The following HDAC9 variants were observed in gnomAD, a reference collection of about 807,000 sequenced individuals.
HDAC9 encodes the protein MEF-2 interacting transcription repressor (MITR) protein.
A neutral mutation model predicts 139.4 loss-of-function variants in HDAC9; 41 were observed. The observed-to-expected ratio is 0.29, with a 90% confidence interval of 0.23 to 0.38. The LOEUF is 0.38. HDAC9 is among the 10% of genes least tolerant of loss of function. HDAC9 has a pLI of 1.00. For synonymous variants in HDAC9, 517 were observed against 476.2 expected (o/e 1.09, Z -1.12); for missense variants, 1,147 against 1,297.0 (o/e 0.88, Z 1.78).
At chr7:18,534,846 A>C (rs1344541031) in intron 2 of HDAC9, among the ~76,000 whole-genome samples, 2 of 152,192 alleles carry the variant, frequency 1.3e-5, no homozygotes, top group African/African-American at 4.8e-5. Context: ...AAGGGTAGTA[A>C]ATACAGAGAG....
At chr7:18,194,016 C>T (rs963994574) in intron 2 of HDAC9, among the ~76,000 whole-genome samples, 5 of 152,100 alleles carry the variant, frequency 3.3e-5, no homozygotes, top group African/African-American at 7.2e-5. Flanking sequence ...CCAAATGGCA[C>T]GATGAGCCTG....
chr7:18,684,854 C>T (rs1452255781), intron 12 of HDAC9, among the ~76,000 whole-genome samples: 1 of 151,974 alleles, frequency 6.6e-6, no homozygotes, highest in Non-Finnish European at 1.5e-5. Context: ...AACTCCCCTC[C>T]ACCTAAGTTA....
chr7:18,909,531 A>T (rs1042453415), intron 22 of HDAC9, among the ~76,000 whole-genome samples: 38 of 152,024 alleles, frequency 2.5e-4, no homozygotes, highest in Non-Finnish European at 4.4e-5. Flanking sequence ...TGGGTGTTCC[A>T]TTTAAGTAAT....
At chr7:18,399,153 T>A (rs1787313960) in intron 1 of HDAC9, among the ~76,000 whole-genome samples, 2 of 152,280 alleles carry the variant, frequency 1.3e-5, no homozygotes, top group South Asian at 4.1e-4. Flanking sequence ...TAATAAAAAA[T>A]AATTTCCTCT....
intron 6 of HDAC9, among the ~76,000 whole-genome samples, chr7:18,602,304 C>A (rs946817558): frequency 1.3e-5 from 2 of 151,992 alleles, no homozygotes; most frequent in Non-Finnish European, 2.9e-5. Context: ...TATGACCCCT[C>A]TTTCATTTCT....
intron 12 of HDAC9, among the ~76,000 whole-genome samples, chr7:18,723,378 G>A (rs1219813998): frequency 6.6e-6 from 1 of 152,122 alleles, no homozygotes; most frequent in Non-Finnish European, 1.5e-5. Context: ...TACGGTTAAG[G>A]TGCAAGTGCC....
intron 2 of HDAC9, among the ~76,000 whole-genome samples, chr7:18,200,380 A>G (rs926802359): frequency 2.6e-5 from 4 of 152,180 alleles, no homozygotes; most frequent in African/African-American, 4.8e-5. Context: ...TCAATATTCT[A>G]TGAGTTTTGG....
intron 22 of HDAC9, among the ~76,000 whole-genome samples, chr7:18,929,424 G>A (rs1210589052): frequency 6.6e-6 from 1 of 151,850 alleles, no homozygotes; most frequent in Non-Finnish European, 1.5e-5. Context: ...TGGTTTCAAG[G>A]TCATGGTAAT....
intron 1 of HDAC9, among the ~76,000 whole-genome samples, chr7:18,156,749 T>C (rs781090274): frequency 6.6e-6 from 1 of 152,194 alleles, no homozygotes; most frequent in Non-Finnish European, 1.5e-5. Flanking sequence ...TGGTACAAGA[T>C]ACAGTGGAAA....
At chr7:18,516,862 G>GAAA (rs35689821) in intron 2 of HDAC9, among the ~76,000 whole-genome samples, 17 of 55,024 alleles carry the variant, frequency 3.1e-4, no homozygotes, top group Non-Finnish European at 3.8e-4. Flanking sequence ...CTCCATTTCA[G>GAAA]AAAAAAAAAA....
intron 6 of HDAC9, among the ~76,000 whole-genome samples, chr7:18,612,996 T>G (rs1156595360): frequency 1.3e-5 from 2 of 150,794 alleles, no homozygotes; most frequent in Admixed American, 6.6e-5. Context: ...TATTAAAGTT[T>G]ATAGTCTAAG....
chr7:18,543,079 T>C (rs946345339), intron 2 of HDAC9: 9 of 152,192 alleles, frequency 5.9e-5, no homozygotes, highest in African/African-American at 2.2e-4. Flanking sequence ...AATATTTAAG[T>C]GTGCATTATC....
intron 13 of HDAC9, among the ~76,000 whole-genome samples, chr7:18,747,036 A>G (rs947361727): frequency 6.6e-6 from 1 of 152,180 alleles, no homozygotes; most frequent in Admixed American, 6.5e-5. Flanking sequence ...GTCAAGAAGG[A>G]AGAATTTCCG....
chr7:18,702,314 GGGGGCCGTAAGGAGAACTTAA>G (rs1393468926), intron 12 of HDAC9, among the ~76,000 whole-genome samples: 1 of 152,134 alleles, frequency 6.6e-6, no homozygotes, highest in East Asian at 1.9e-4. Flanking sequence ...AAAGGCACTT[GGGGGCCGTAAGGAGAACTTAA>G]GGCACAAAAG....
chr7:18,162,163 T>G, intron 1 of HDAC9: 1 of 631,516 alleles, frequency 1.6e-6, no homozygotes. Context: ...CAGTTCTCTG[T>G]GTTTCTTTTT....
intron 25 of HDAC9, among the ~76,000 whole-genome samples, chr7:18,990,015 C>T (rs1203350811): frequency 6.6e-6 from 1 of 151,948 alleles, no homozygotes; most frequent in African/African-American, 2.4e-5. Context: ...TCCCGTAGCT[C>T]AGAGTAATTT....
chr7:18,655,928 G>A (rs537579276), intron 11 of HDAC9, among the ~76,000 whole-genome samples: 7 of 152,032 alleles, frequency 4.6e-5, no homozygotes, highest in Non-Finnish European at 1.0e-4. Context: ...TAATTTGGTT[G>A]TTTCCCAACC....
rs149929965 is a variant in HDAC9, at chr7:18,488,457, T to A, written c.-41-7805T>A. Among the ~76,000 whole-genome samples, 192 of 152,140 alleles carry A rather than the reference T, an allele frequency of 1.3e-3. 1 individual carries two copies. Among genetic ancestry groups the A allele is most frequent in the African/African-American group, 4.5e-3 (186 of 41,560 alleles). On this transcript the variant is annotated intron_variant, in intron 1 of 3. Coordinates refer to the HDAC9 transcript ENST00000413509. ...ATTAGTTTTAGGGTCACAGAAATGCTGTTTATACGAAGTATAAAAATTGTG... is the reference window on the plus strand; with the variant it reads ...ATTAGTTTTAGGGTCACAGAAATGCAGTTTATACGAAGTATAAAAATTGTG...
chr7:18,478,136 A>T (rs916753919), intron 1 of HDAC9, among the ~76,000 whole-genome samples: 3 of 151,556 alleles, frequency 2.0e-5, no homozygotes, highest in Non-Finnish European at 2.9e-5. Context: ...CAGTGGCAGG[A>T]TCTGGGCTCA....
Sources: gnomAD v4.1 joint callset for allele counts (sites outside exome capture counted in the v4.1 genomes callset) on GRCh38, gnomAD v4.1.1 for gene constraint, MANE v1.5 for transcripts, NCBI Gene and HGNC (gene_info 2026-07-23, HGNC 2026-07-21) for gene names.